Variants in EEF2 observed in about 807,000 individuals in gnomAD.
EEF2 encodes the protein elongation factor 2.
EEF2 carries 21 observed loss-of-function variants against 85.3 expected under a neutral mutation model. The observed-to-expected ratio is 0.25, with a 90% CI of 0.17 to 0.35. The LOEUF (loss-of-function observed/expected upper bound fraction) is 0.35, where lower values mean the gene tolerates loss of function less well. Ranked by LOEUF, EEF2 falls within the 10% of genes least tolerant of loss-of-function variation. The probability of loss-of-function intolerance (pLI) is 1.00; values close to 1 mark genes in which losing one functional copy is unlikely to be tolerated. For synonymous variants in EEF2, 723 were observed against 508.8 expected (o/e 1.42, Z -5.67); for missense variants, 825 against 1,225.3 (o/e 0.67, Z 4.88).
intron 4 of EEF2, 160 bp from the exon 5 acceptor site, chr19:3,982,584 C>A: frequency 9.0e-7 from 1 of 1,106,282 alleles, no homozygotes; most frequent in Non-Finnish European, 1.4e-6. Flanking sequence ...GGGGGGCCAG[C>A]CCCTCCACCA....
chr19:3,982,725 C>T (rs1339826849), intron 4 of EEF2, 82 bp downstream of exon 4: 31 of 1,446,046 alleles, frequency 2.1e-5, no homozygotes, highest in Non-Finnish European at 2.7e-5. Context: ...ACTTCCAGTC[C>T]CCCTCAGCTC....
At position 3,976,107 on chromosome 19, in the gene EEF2, G is replaced by C; in HGVS notation, c.*447C>G. 5.2e-6 allele frequency: 1 copy of C among 191,966 alleles called. No homozygotes were observed. The highest frequency in any genetic ancestry group is 1.1e-5 in the Non-Finnish European group (1 of 91,486). 11.9% of individuals were successfully genotyped at this position (191,966 alleles called of 1,614,324 possible). Reference sequence around the variant, plus strand: ...CAATGGCACTAGTACAGCTGGAGGTGCTCATGGTGACACCGCACAGGACTT... The same window carrying C: ...CAATGGCACTAGTACAGCTGGAGGTCCTCATGGTGACACCGCACAGGACTT... On this transcript the variant is annotated 3_prime_UTR_variant, in exon 15 of 15. Transcript: ENST00000309311.
chr19:3,985,269 G>T, intron 1 of EEF2, 109 bp downstream of exon 1: 1 of 1,237,826 alleles, frequency 8.1e-7, no homozygotes. Context: ...CCCCGCCGCC[G>T]CTACGTCTCC....
In EEF2 at chr19:3,977,559, C is replaced by A; in HGVS notation, c.2119G>T (p.Val707Phe). The stretch of plus-strand genomic sequence containing the variant: ...TGGATGGCGTCGGCGTGCAGGGTGA[C>A]GTCGTGGACGTCGAAGCGCACACCC... ...MRGVRFDVHD[V>F]TLHADAIHRG... Residue 707 changes from valine (V) to phenylalanine (F), a missense_variant, in exon 13 of 15, where the codon GTC (valine) becomes TTC (phenylalanine). Coordinates refer to ENST00000309311, the MANE Select transcript of EEF2 (RefSeq NM_001961.4). This position sits in a 1 kb window ranked among gnomAD's most constrained non-coding sequence, Gnocchi z 5.4. 6.4e-7 allele frequency: 1 copy of A among 1,572,320 alleles called. No homozygotes were observed.
intron 2 of EEF2, 147 bp downstream of exon 2, chr19:3,983,989 G>A (rs2039788616): frequency 1.2e-6 from 1 of 829,336 alleles, no homozygotes; most frequent in East Asian, 2.7e-5. Context: ...CTGTCTCGCT[G>A]GACTGAACCT....
chr19:3,977,785 G>A lies in EEF2; in HGVS notation c.2067+34C>T, dbSNP rs369415214. On this transcript the variant is annotated intron_variant, in intron 12 of 14. Transcript: ENST00000309311. This position sits in a 1 kb window ranked among gnomAD's most constrained non-coding sequence, Gnocchi z 5.4. Reference sequence around the variant, plus strand: ...TGAGGTCCCTCTAGAGCCTGGAAACGGGTGTGGTCTGCACATGCTGAGCCG... The same window carrying A: ...TGAGGTCCCTCTAGAGCCTGGAAACAGGTGTGGTCTGCACATGCTGAGCCG... 6.2e-5 allele frequency: 95 copies of A among 1,533,972 alleles called. 1 individual carries two copies. The African/African-American group carries it at 6.7e-4, about 11-fold the overall frequency.
rs147164125 is a variant in EEF2 at position 3,982,209 on chromosome 19, G to A, written c.791+37C>T. The A allele has an allele frequency of 8.7e-4, 1,409 of 1,610,614 alleles. 1 individual carries two copies. The highest frequency in any genetic ancestry group is 1.1e-3 in the Non-Finnish European group (1,311 of 1,177,252). ...CCTACGTCGCTGCCACTACCCCCAG[G>A]TGTCAGGAATCCCCCACCATATCCC... On this transcript the variant is annotated intron_variant, in intron 5 of 14. Transcript: ENST00000309311.
At chr19:3,979,118 C>T (rs1201250476) in intron 11 of EEF2, among the ~76,000 whole-genome samples, 5 of 152,020 alleles carry the variant, frequency 3.3e-5, no homozygotes, top group South Asian at 2.1e-4. Flanking sequence ...GATGACACAG[C>T]GAGACTATCT....
At chr19:3,982,136 G>T in intron 5 of EEF2, 84 bp from the exon 6 acceptor site, 1 of 1,596,614 alleles carries the variant, frequency 6.3e-7, no homozygotes, top group Non-Finnish European at 8.6e-7. Context: ...GACATGCTTG[G>T]GCAAGACCTG....
At position 3,980,995 on chromosome 19, in the gene EEF2, G is replaced by T; in HGVS notation, c.1012-16C>A. 1.3e-6 allele frequency: 2 copies of T among 1,564,100 alleles called. No homozygotes were observed. The highest frequency in any genetic ancestry group is 2.3e-5 in the South Asian group (2 of 85,436). On this transcript the variant is annotated splice_polypyrimidine_tract_variant and intron_variant, in intron 7 of 14. Transcript: ENST00000309311. The stretch of plus-strand genomic sequence containing the variant: ...GCATCACAGCCTGCGGGGGCAGAGA[G>T]CGGTGCATGAGACACCTGGGGAGCC...
At chr19:3,976,866 G>A (rs952066659) in intron 14 of EEF2, 119 bp from the exon 15 acceptor site, 30 of 1,180,850 alleles carry the variant, frequency 2.5e-5, no homozygotes, top group African/African-American at 1.2e-4. Flanking sequence ...CCAGACACTC[G>A]GCCTGGTGCC....
intron 1 of EEF2, 162 bp downstream of exon 1, chr19:3,985,216 A>T (rs1247102775): frequency 1.4e-6 from 1 of 733,152 alleles, no homozygotes; most frequent in Non-Finnish European, 2.0e-6. Context: ...AGCGCGGCGC[A>T]CAGACATGGC....
At chr19:3,985,249 G>A in intron 1 of EEF2, 129 bp downstream of exon 1, 1 of 1,077,418 alleles carries the variant, frequency 9.3e-7, no homozygotes, top group Non-Finnish European at 1.2e-6. Context: ...CCCAGCCCCG[G>A]GTCCTCCGGC....
intron 10 of EEF2, 120 bp downstream of exon 10, chr19:3,979,688 C>A: frequency 6.9e-7 from 1 of 1,447,914 alleles, no homozygotes; most frequent in South Asian, 1.3e-5. Context: ...GCCAAGAACC[C>A]CTCCTTTCAT....
chr19:3,979,445 G>C lies in EEF2; in HGVS notation c.1606-9C>G. ...GACTCCTCGATGATGCACTGAAAGG[G>C]ATGCGGGTCAGCACCAAAGGGGTAG... is the stretch of plus-strand genomic sequence containing the variant. On this transcript the variant is annotated splice_polypyrimidine_tract_variant and intron_variant, in intron 10 of 14. Transcript: ENST00000309311. The C allele has an allele frequency of 2.5e-6, 4 of 1,611,734 alleles. No individual in the cohort carries two copies. The highest frequency in any genetic ancestry group is 1.1e-5 in the South Asian group (1 of 91,026).
chr19:3,985,308 G>A (rs2145369042), intron 1 of EEF2, 70 bp downstream of exon 1: 3 of 1,365,142 alleles, frequency 2.2e-6, no homozygotes, highest in African/African-American at 1.5e-5. Flanking sequence ...CAGCGTCCCA[G>A]GCTAGGCAGC....
At chr19:3,980,161 T>G (rs1418627746) in intron 9 of EEF2, 95 bp from the exon 10 acceptor site, 1 of 1,509,738 alleles carries the variant, frequency 6.6e-7, no homozygotes, top group Non-Finnish European at 8.9e-7. Context: ...GTGGCCCTCC[T>G]GCCAGGTCCC....
At chr19:3,980,419 C>T (rs1385480832) in intron 9 of EEF2, 95 bp downstream of exon 9, 9 of 1,432,436 alleles carry the variant, frequency 6.3e-6, no homozygotes, top group South Asian at 4.1e-5. Flanking sequence ...CTTCTATGCT[C>T]CTTACTTCTA....
chr19:3,979,230 C>A, intron 11 of EEF2, 99 bp downstream of exon 11: 1 of 887,762 alleles, frequency 1.1e-6, no homozygotes, highest in Non-Finnish European at 1.8e-6. Flanking sequence ...AGACCGAGAT[C>A]AAGTCTAGGC....
Sources: allele counts gnomAD v4.1 joint callset (sites outside exome capture counted in the v4.1 genomes callset), GRCh38; gene constraint gnomAD v4.1.1; non-coding constraint Gnocchi (gnomAD v3.1); transcripts MANE v1.5; gene names NCBI Gene and HGNC (gene_info 2026-07-23, HGNC 2026-07-21).